Variants in GAD2 observed in about 807,000 individuals in gnomAD.
GAD2 encodes the protein glutamate decarboxylase 2.
Under a neutral mutation model 80.1 loss-of-function variants are expected in GAD2, and 22 were observed. That is an observed-to-expected ratio of 0.27 (90% confidence interval 0.20 to 0.39). The LOEUF is 0.39. Among genes scored for constraint, GAD2 ranks in the 10% least tolerant of loss-of-function variants. GAD2 has a pLI of 1.00. For missense variants in GAD2, 624 were observed against 738.4 expected, an observed-to-expected ratio of 0.85 and a Z score of 1.80; for synonymous variants, 274 against 256.9, an observed-to-expected ratio of 1.07 and a Z score of -0.64.
At position 26,301,221 on chromosome 10, in the gene GAD2, CCTTA is replaced by C. The variant is rs1225912358; in HGVS notation, c.*264_*267del. The C allele has an allele frequency of 1.1e-5, 4 of 380,010 alleles. No individual in the cohort carries two copies. The highest frequency in any genetic ancestry group is 8.1e-5 in the African/African-American group (4 of 49,432). The allele number at this position is 380,010 out of a possible 1,614,324, so 23.5% of individuals were successfully genotyped here. On this transcript the variant is annotated 3_prime_UTR_variant, in exon 16 of 16. Transcript: ENST00000376261. Reference sequence around the variant, plus strand: ...AGCTTAAAATTGTTATAAATACTTCCCTTACTTTTAATATAGTGTGCAAAGCAAA... The same window carrying C: ...AGCTTAAAATTGTTATAAATACTTCCCTTTTAATATAGTGTGCAAAGCAAA...
chr10:26,282,819 A>G (rs1057082038), intron 12 of GAD2, among the ~76,000 whole-genome samples: 8 of 152,144 alleles, frequency 5.3e-5, no homozygotes, highest in African/African-American at 1.9e-4. Flanking sequence ...CTGTGTCTTC[A>G]TCAGTAATAA....
At chr10:26,288,759 ATATT>A (rs1374329020) in intron 13 of GAD2, among the ~76,000 whole-genome samples, 1 of 152,108 alleles carries the variant, frequency 6.6e-6, no homozygotes, top group Non-Finnish European at 1.5e-5. Flanking sequence ...ATCATCAGTG[ATATT>A]TATAGGAAAA....
chr10:26,246,066 G>A, intron 8 of GAD2, 66 bp downstream of exon 8: 1 of 1,384,964 alleles, frequency 7.2e-7, no homozygotes, highest in African/African-American at 1.4e-5. Flanking sequence ...AGTGCCTTTT[G>A]GTCTGAAAAT....
chr10:26,221,999 T>A (rs557665162), intron 4 of GAD2, among the ~76,000 whole-genome samples: 1 of 152,316 alleles, frequency 6.6e-6, no homozygotes, highest in African/African-American at 2.4e-5. Flanking sequence ...GGAGCAAATG[T>A]CACTAGGGGA....
At chr10:26,282,447 TATAA>T (rs1449683782) in intron 12 of GAD2, among the ~76,000 whole-genome samples, 15 of 151,732 alleles carry the variant, frequency 9.9e-5, no homozygotes, top group African/African-American at 2.2e-4. Flanking sequence ...ATTTAAAAAG[TATAA>T]ATAAATATAT....
chr10:26,239,592 A>G (rs768601767), intron 7 of GAD2, among the ~76,000 whole-genome samples: 8 of 152,252 alleles, frequency 5.3e-5, no homozygotes, highest in South Asian at 2.1e-4. Flanking sequence ...CTTCGCCCTC[A>G]TGCAGCCTGC....
intron 13 of GAD2, among the ~76,000 whole-genome samples, chr10:26,290,516 G>A (rs879604164): frequency 1.3e-5 from 2 of 152,218 alleles, no homozygotes; most frequent in Non-Finnish European, 2.9e-5. Flanking sequence ...GTGAGGGAAA[G>A]TCTAATTGAC....
At chr10:26,218,074 A>T in intron 3 of GAD2, 83 bp downstream of exon 3, 1 of 1,417,806 alleles carries the variant, frequency 7.1e-7, no homozygotes, top group Non-Finnish European at 9.5e-7. Flanking sequence ...TCCGGCGCTG[A>T]GAGCCGGACA....
upstream of GAD2, chr10:26,216,700 G>A: frequency 4.0e-6 from 3 of 740,836 alleles, no homozygotes; most frequent in Non-Finnish European, 6.2e-6. This position sits in a 1 kb window ranked among gnomAD's most constrained non-coding sequence, Gnocchi z 4.7. Flanking sequence ...CGGTCCCCGC[G>A]CGGTGCCCTC....
chr10:26,244,216 C>T (rs1342523486), intron 7 of GAD2, among the ~76,000 whole-genome samples: 1 of 152,028 alleles, frequency 6.6e-6, no homozygotes, highest in African/African-American at 2.4e-5. Flanking sequence ...TGACTGTTAT[C>T]GAAAACAGAA....
chr10:26,265,355 C>G (rs1343698763), intron 8 of GAD2, among the ~76,000 whole-genome samples: 1 of 152,066 alleles, frequency 6.6e-6, no homozygotes, highest in Non-Finnish European at 1.5e-5. Flanking sequence ...TAGGTGTGCA[C>G]CACCATGCCC....
rs569502960 is a variant in GAD2 at position 26,247,277 on chromosome 10, A to G, written c.920+1277A>G. On this transcript the variant is annotated intron_variant, in intron 8 of 15. Transcript: ENST00000376261. ...ACTGTCATAGTGCTGGTGAGAGTGT[A>G]GCAGTGAGGAGGATGACCAGAAGTC... Among the ~76,000 whole-genome samples, 31 of 152,254 alleles carry G rather than the reference A, an allele frequency of 2.0e-4. 1 individual carries two copies. Among genetic ancestry groups the G allele is most frequent in the African/African-American group, 7.5e-4 (31 of 41,538 alleles).
rs8190728 is a variant in GAD2 at position 26,273,407 on chromosome 10, C to G, written c.1093-229C>G. On this transcript the variant is annotated intron_variant, in intron 10 of 15. Coordinates refer to ENST00000376261, the MANE Select transcript of GAD2 (RefSeq NM_001134366.2). ...GGGTCTTTCTCTCTCTTCTACGGAC[C>G]AGGAGCTATGCCTCCAAGGTGGCTC... 7.3e-3 allele frequency among the ~76,000 whole-genome samples: 1,119 copies of G among 152,268 alleles called. 18 individuals are homozygous for G. Among genetic ancestry groups the G allele is most frequent in the African/African-American group, 0.026 (1,063 of 41,552 alleles).
intron 8 of GAD2, among the ~76,000 whole-genome samples, chr10:26,254,027 T>A (rs1844914255): frequency 6.6e-6 from 1 of 152,198 alleles, no homozygotes; most frequent in African/African-American, 2.4e-5. Flanking sequence ...TCTTTTCTTT[T>A]AATTGAATTA....
At chr10:26,254,050 AT>A (rs1844914934) in intron 8 of GAD2, among the ~76,000 whole-genome samples, 1 of 151,988 alleles carries the variant, frequency 6.6e-6, no homozygotes, top group African/African-American at 2.4e-5. Flanking sequence ...TAATTTATTT[AT>A]TTTTGAGACG....
In GAD2 at chr10:26,235,911, T is replaced by C. The variant is rs77601940; in HGVS notation, c.840+6134T>C. Among the ~76,000 whole-genome samples, 1,202 of 152,244 alleles carry C rather than the reference T, an allele frequency of 7.9e-3. 19 individuals are homozygous for C. Among genetic ancestry groups the C allele is most frequent in the African/African-American group, 0.028 (1,143 of 41,530 alleles). On this transcript the variant is annotated intron_variant, in intron 7 of 15. Coordinates refer to ENST00000376261, the MANE Select transcript of GAD2 (RefSeq NM_001134366.2). ...ATATCTTCCGCGAAACAGCATAACC[T>C]CATCTAGGAAACATATTCTTCCTAA...
At chr10:26,281,934 A>C (rs970335668) in intron 12 of GAD2, among the ~76,000 whole-genome samples, 3 of 152,048 alleles carry the variant, frequency 2.0e-5, no homozygotes, top group Admixed American at 2.0e-4. Context: ...TTAAATGTTG[A>C]TCTTCATTTA....
chr10:26,240,292 G>C (rs1477314342), intron 7 of GAD2, among the ~76,000 whole-genome samples: 1 of 152,092 alleles, frequency 6.6e-6, no homozygotes. Context: ...AGCCTGATAC[G>C]CTCCTTCTCA....
intron 15 of GAD2, among the ~76,000 whole-genome samples, chr10:26,296,703 A>G (rs750518905): frequency 3.3e-5 from 5 of 152,136 alleles, no homozygotes; most frequent in Non-Finnish European, 5.9e-5. Context: ...CTGGTTCTTT[A>G]TCTTCTTATT....
Sources: allele counts gnomAD v4.1 joint callset (sites outside exome capture counted in the v4.1 genomes callset), GRCh38; gene constraint gnomAD v4.1.1; non-coding constraint Gnocchi (gnomAD v3.1); transcripts MANE v1.5; gene names NCBI Gene and HGNC (gene_info 2026-07-23, HGNC 2026-07-21).